Variants in KLF8 observed in about 807,000 individuals in gnomAD.
KLF8 encodes the protein Krueppel-like factor 8.
Under a neutral mutation model 18.2 loss-of-function variants are expected in KLF8, and 10 were observed. That is an observed-to-expected ratio of 0.55 (90% CI 0.34 to 0.93). The LOEUF (loss-of-function observed/expected upper bound fraction) is 0.93. KLF8 is among the 40% of genes least tolerant of loss of function. The pLI is 0.02. For synonymous variants in KLF8, 109 were observed against 97.3 expected, an observed-to-expected ratio of 1.12 and a Z score of -0.71; for missense variants, 264 against 277.9, an observed-to-expected ratio of 0.95 and a Z score of 0.36.
At chrX:55,915,949 C>A in the KLF8 span, among the ~76,000 whole-genome samples, 1 of 111,858 alleles carries the variant, frequency 8.9e-6, no homozygotes, top group African/African-American at 3.2e-5. Context: ...CTTATTTCTT[C>A]TCTCTTAGCA....
At chrX:55,953,911 C>A in the KLF8 span, among the ~76,000 whole-genome samples, 1 of 109,172 alleles carries the variant, frequency 9.2e-6, no homozygotes, top group African/African-American at 3.3e-5. Context: ...ACCAAAAGTA[C>A]AAACAAACAA....
the KLF8 span, among the ~76,000 whole-genome samples, chrX:56,124,172 T>C: frequency 8.9e-6 from 1 of 111,905 alleles, no homozygotes; most frequent in Non-Finnish European, 1.9e-5. Flanking sequence ...TTGCTCTACA[T>C]TTTTGTTTCT....
At chrX:56,160,085 T>A in the KLF8 span, among the ~76,000 whole-genome samples, 1 of 112,037 alleles carries the variant, frequency 8.9e-6, no homozygotes, top group Non-Finnish European at 1.9e-5. Flanking sequence ...TCTGGTATGT[T>A]GTGTCTTTGT....
the KLF8 span, among the ~76,000 whole-genome samples, chrX:56,222,762 G>T: frequency 8.8e-6 from 1 of 113,273 alleles, no homozygotes; most frequent in Non-Finnish European, 1.9e-5. Flanking sequence ...CTAAGGCCGG[G>T]CGAGAAATCG....
At chrX:56,126,179 T>C in the KLF8 span, among the ~76,000 whole-genome samples, 3 of 111,740 alleles carry the variant, frequency 2.7e-5, no homozygotes, top group Non-Finnish European at 5.6e-5. Flanking sequence ...CCACCCAGAC[T>C]TCCCCATTTC....
At chrX:56,071,843 T>C in the KLF8 span, among the ~76,000 whole-genome samples, 1 of 111,973 alleles carries the variant, frequency 8.9e-6, no homozygotes, top group African/African-American at 3.2e-5. Flanking sequence ...GTGTTTGTTG[T>C]AAATAAAGCT....
chrX:56,047,066 T>A, the KLF8 span, among the ~76,000 whole-genome samples: 1 of 110,661 alleles, frequency 9.0e-6, no homozygotes, highest in African/African-American at 3.3e-5. Context: ...TTTTTAATTT[T>A]TTTTTTTGTC....
chrX:56,112,359 T>C, the KLF8 span, among the ~76,000 whole-genome samples: 1 of 111,010 alleles, frequency 9.0e-6, no homozygotes, highest in African/African-American at 3.3e-5. Context: ...GGAGATAGCA[T>C]TAGGAGAGAT....
At chrX:56,081,089 T>A in the KLF8 span, among the ~76,000 whole-genome samples, 1 of 111,589 alleles carries the variant, frequency 9.0e-6, no homozygotes, top group African/African-American at 3.3e-5. Context: ...TTGCCTTTGG[T>A]TTGAATGTCC....
the KLF8 span, among the ~76,000 whole-genome samples, chrX:56,017,977 A>G: frequency 1.8e-5 from 2 of 111,931 alleles, no homozygotes; most frequent in Non-Finnish European, 3.8e-5. Context: ...ATGTGTAATG[A>G]TCAAATATGG....
chrX:56,065,307 G>A, the KLF8 span, among the ~76,000 whole-genome samples: 1 of 110,297 alleles, frequency 9.1e-6, no homozygotes, highest in Non-Finnish European at 1.9e-5. Context: ...TTTCTGACTG[G>A]GTTATTTGAA....
the KLF8 span, among the ~76,000 whole-genome samples, chrX:55,929,290 G>A: frequency 2.7e-5 from 3 of 111,848 alleles, no homozygotes; most frequent in Non-Finnish European, 3.8e-5. Context: ...TTGAGAGATG[G>A]TAAAAATTTT....
chrX:56,049,644 T>G, the KLF8 span, among the ~76,000 whole-genome samples: 1 of 102,642 alleles, frequency 9.7e-6, no homozygotes, highest in Non-Finnish European at 2.0e-5. Context: ...ATAAGCTTTT[T>G]GATGTGCTGC....
chrX:55,914,726 A>T, the KLF8 span, among the ~76,000 whole-genome samples: 120 of 111,471 alleles, frequency 1.1e-3, 1 homozygote, highest in Middle Eastern at 0.014. Flanking sequence ...GTATAAATCA[A>T]TGGAGACACC....
chrX:56,073,968 G>A, the KLF8 span, among the ~76,000 whole-genome samples: 11 of 111,268 alleles, frequency 9.9e-5, no homozygotes, highest in Admixed American at 1.9e-4. Context: ...GGCTGGTCTC[G>A]AACTCTTGAC....
chrX:56,216,274 C>A, the KLF8 span, among the ~76,000 whole-genome samples: 1 of 111,137 alleles, frequency 9.0e-6, no homozygotes, highest in African/African-American at 3.3e-5. Context: ...CTCTATGATG[C>A]AACCAAAAAT....
chrX:56,061,312 A>G, the KLF8 span, among the ~76,000 whole-genome samples: 1 of 111,776 alleles, frequency 8.9e-6, no homozygotes, highest in African/African-American at 3.3e-5. Context: ...AGTGCTATAA[A>G]TTTCCCTCCA....
the KLF8 span, among the ~76,000 whole-genome samples, chrX:55,985,303 A>G: frequency 8.9e-6 from 1 of 111,887 alleles, no homozygotes; most frequent in East Asian, 2.8e-4. Flanking sequence ...ATTTTTGTGT[A>G]AGGTGTAAGC....
the KLF8 span, among the ~76,000 whole-genome samples, chrX:56,030,004 A>G: frequency 8.9e-6 from 1 of 112,397 alleles, no homozygotes; most frequent in South Asian, 3.7e-4. Context: ...TCCTTTGGAT[A>G]TCTTCTGCAC....
Sources: allele counts gnomAD v4.1 joint callset (sites outside exome capture counted in the v4.1 genomes callset), GRCh38; gene constraint gnomAD v4.1.1; transcripts MANE v1.5; gene names NCBI Gene and HGNC (gene_info 2026-07-23, HGNC 2026-07-21).